Variants in TFCP2 observed in about 807,000 individuals in gnomAD.
TFCP2 encodes transcription factor CP2.
Under a neutral mutation model 73.4 loss-of-function variants are expected in TFCP2, and 33 were observed. That is an observed-to-expected ratio of 0.45 (90% CI 0.34 to 0.60). The LOEUF (loss-of-function observed/expected upper bound fraction) is 0.60. Among genes scored for constraint, TFCP2 ranks in the 20% least tolerant of loss-of-function variants. The probability of loss-of-function intolerance (pLI) is 0.01; values close to 1 mark genes in which losing one functional copy is unlikely to be tolerated. For synonymous variants in TFCP2, 193 were observed against 211.6 expected (o/e 0.91, Z 0.76); for missense variants, 352 against 604.0 (o/e 0.58, Z 4.37).
At chr12:51,167,529 A>C (rs1396785209) in intron 1 of TFCP2, among the ~76,000 whole-genome samples, 1 of 152,048 alleles carries the variant, frequency 6.6e-6, no homozygotes, top group African/African-American at 2.4e-5. Flanking sequence ...AGTAGCTGAG[A>C]TTACAGGTGT....
intron 1 of TFCP2, among the ~76,000 whole-genome samples, chr12:51,162,057 A>G (rs2137044706): frequency 6.6e-6 from 1 of 152,316 alleles, no homozygotes; most frequent in Admixed American, 6.5e-5. Context: ...AGGATTCAAC[A>G]GCAGAGTTGA....
At chr12:51,116,263 T>G (rs1379209504) in intron 4 of TFCP2, 52 bp downstream of exon 4, 1 of 986,554 alleles carries the variant, frequency 1.0e-6, no homozygotes. Context: ...GAAAACCAAC[T>G]CTGGGTCCAT....
chr12:51,118,938 G>A (rs1171432236), intron 1 of TFCP2, among the ~76,000 whole-genome samples, 166 bp from the exon 2 acceptor site: 1 of 152,196 alleles, frequency 6.6e-6, no homozygotes, highest in African/African-American at 2.4e-5. Flanking sequence ...ATATCCCCCT[G>A]ACCACAACAG....
At chr12:51,157,586 GC>G (rs1196440367) in intron 1 of TFCP2, among the ~76,000 whole-genome samples, 2 of 151,592 alleles carry the variant, frequency 1.3e-5, no homozygotes, top group African/African-American at 4.9e-5. Context: ...GAGCTGCCAT[GC>G]CCAGCCTACC....
chr12:51,158,279 G>A (rs1941579672), intron 1 of TFCP2, among the ~76,000 whole-genome samples: 1 of 152,036 alleles, frequency 6.6e-6, no homozygotes, highest in Admixed American at 6.6e-5. Context: ...CTAAAGCACT[G>A]GTATTACAGG....
chr12:51,139,570 G>C (rs556762126), intron 1 of TFCP2, among the ~76,000 whole-genome samples: 1 of 152,136 alleles, frequency 6.6e-6, no homozygotes, highest in East Asian at 1.9e-4. Flanking sequence ...TACAGACAGG[G>C]CCTCACTATG....
In TFCP2 at chr12:51,096,116, C is replaced by T. The variant is rs1939960782; in HGVS notation, c.1420-76G>A. 10 of 1,162,458 alleles carry T rather than the reference C, an allele frequency of 8.6e-6. No individual in the cohort carries two copies. The South Asian group carries it at 1.0e-4, about 12-fold the overall frequency. 72.0% of individuals were successfully genotyped at this position (1,162,458 alleles called of 1,614,324 possible). ...TATATTCCTGTGTCCCTAAGGACTA[C>T]CCCACATCCAGAGGGATTTATATGG... On this transcript the variant is annotated intron_variant, in intron 13 of 14. Transcript: ENST00000257915.
rs556064762 is a variant in TFCP2, at chr12:51,164,441, A to G, written c.122+7860T>C. ...GTAAAACCCTGTCTCTACTAAAAAT[A>G]CAAAAATTAGCTGGGCACGGTGGCA... On this transcript the variant is annotated intron_variant, in intron 1 of 14. Coordinates refer to ENST00000257915, the MANE Select transcript of TFCP2 (RefSeq NM_005653.5). 3.9e-5 allele frequency among the ~76,000 whole-genome samples: 6 copies of G among 152,112 alleles called. No homozygotes were observed. The East Asian group carries it at 9.7e-4, about 25-fold the overall frequency.
intron 1 of TFCP2, among the ~76,000 whole-genome samples, chr12:51,130,264 G>A (rs2137001381): frequency 6.6e-6 from 1 of 152,270 alleles, no homozygotes; most frequent in East Asian, 1.9e-4. Flanking sequence ...CTGAGGTCAG[G>A]AGTTCAAGTC....
intron 1 of TFCP2, among the ~76,000 whole-genome samples, chr12:51,166,242 G>A (rs1941756371): frequency 6.7e-6 from 1 of 149,944 alleles, no homozygotes; most frequent in African/African-American, 2.5e-5. Flanking sequence ...TTGAAGCTGG[G>A]AGGCAGTTGC....
chr12:51,099,532 A>T, intron 12 of TFCP2, 123 bp downstream of exon 12: 1 of 1,281,244 alleles, frequency 7.8e-7, no homozygotes, highest in Non-Finnish European at 1.1e-6. Context: ...AATAAATGCT[A>T]GTGATTATTG....
intron 1 of TFCP2, among the ~76,000 whole-genome samples, chr12:51,132,314 G>GTGGAAGAATT (rs1366768350): frequency 1.5e-5 from 2 of 134,652 alleles, no homozygotes. Context: ...CAACAAGAAT[G>GTGGAAGAATT]TGGAAGAATT....
At chr12:51,102,247 A>G (rs1224039188) in intron 10 of TFCP2, among the ~76,000 whole-genome samples, 1 of 151,992 alleles carries the variant, frequency 6.6e-6, no homozygotes, top group Non-Finnish European at 1.5e-5. Context: ...CATCATACTG[A>G]TGATGTCTAA....
chr12:51,171,887 A>G (rs904266506), intron 1 of TFCP2, among the ~76,000 whole-genome samples: 1 of 152,216 alleles, frequency 6.6e-6, no homozygotes, highest in Non-Finnish European at 1.5e-5. Context: ...TCCAACAAGA[A>G]ACGAACCAAT....
At chr12:51,117,487 C>T (rs1940558679) in intron 3 of TFCP2, among the ~76,000 whole-genome samples, 184 bp downstream of exon 3, 1 of 152,136 alleles carries the variant, frequency 6.6e-6, no homozygotes. Flanking sequence ...CATGTGAATA[C>T]TGGGGCTTAC....
At chr12:51,117,573 C>A (rs1940560803) in intron 3 of TFCP2, 98 bp downstream of exon 3, 1 of 888,220 alleles carries the variant, frequency 1.1e-6, no homozygotes, top group Admixed American at 2.3e-5. Flanking sequence ...ACCATTAAGC[C>A]ATTGGAAGCA....
At chr12:51,169,646 C>T (rs1028652844) in intron 1 of TFCP2, among the ~76,000 whole-genome samples, 1 of 152,040 alleles carries the variant, frequency 6.6e-6, no homozygotes, top group African/African-American at 2.4e-5. Flanking sequence ...TCACTTGAGC[C>T]CGGGAGATGG....
intron 1 of TFCP2, among the ~76,000 whole-genome samples, chr12:51,158,409 C>T (rs1941582003): frequency 6.6e-6 from 1 of 152,182 alleles, no homozygotes; most frequent in Non-Finnish European, 1.5e-5. Context: ...TCCACCCACC[C>T]CTGGGCATAC....
chr12:51,164,471 C>T (rs1010043036), intron 1 of TFCP2, among the ~76,000 whole-genome samples: 1 of 151,766 alleles, frequency 6.6e-6, no homozygotes, highest in Non-Finnish European at 1.5e-5. Flanking sequence ...GTGGCAGGCA[C>T]CTGTAATCCC....
Sources: allele counts gnomAD v4.1 joint callset (sites outside exome capture counted in the v4.1 genomes callset), GRCh38; gene constraint gnomAD v4.1.1; transcripts MANE v1.5; gene names NCBI Gene and HGNC (gene_info 2026-07-23, HGNC 2026-07-21).